KCNQ5: variants seen among roughly 807,000 people sequenced by gnomAD.
KCNQ5 encodes the protein potassium voltage-gated channel subfamily Q member 5.
A neutral mutation model predicts 98.2 loss-of-function variants in KCNQ5; 30 were observed. That is an observed-to-expected ratio of 0.31 (90% CI 0.23 to 0.41). The LOEUF is 0.41. Ranked by LOEUF, KCNQ5 falls within the 10% of genes least tolerant of loss-of-function variation. The probability of loss-of-function intolerance (pLI) is 1.00; values close to 1 mark genes in which losing one functional copy is unlikely to be tolerated. For missense variants in KCNQ5, 835 were observed against 1,182.5 expected, an observed-to-expected ratio of 0.71 and a Z score of 4.31; for synonymous variants, 458 against 449.4, an observed-to-expected ratio of 1.02 and a Z score of -0.24.
intron 2 of KCNQ5, 28 bp downstream of exon 2, chr6:73,004,026 A>G: frequency 3.0e-6 from 4 of 1,322,456 alleles, no homozygotes; most frequent in Admixed American, 1.7e-5. Flanking sequence ...AAGAACGTAC[A>G]TGAATGTTGT....
chr6:73,001,679 G>A (rs985921628), intron 1 of KCNQ5, among the ~76,000 whole-genome samples: 3 of 152,156 alleles, frequency 2.0e-5, no homozygotes, highest in Non-Finnish European at 4.4e-5. Context: ...GTCATCTGAT[G>A]CCACATCATC....
intron 8 of KCNQ5, among the ~76,000 whole-genome samples, chr6:73,123,509 C>T (rs1490887419): frequency 6.6e-6 from 1 of 152,112 alleles, no homozygotes; most frequent in Non-Finnish European, 1.5e-5. Flanking sequence ...CTCAAACCTG[C>T]CAGGGATACA....
chr6:72,816,518 G>A lies in KCNQ5; in HGVS notation c.399-187390G>A, dbSNP rs752612928. 1.6e-4 allele frequency among the ~76,000 whole-genome samples: 24 copies of A among 152,146 alleles called. 1 individual carries two copies. The highest frequency in any genetic ancestry group is 2.4e-4 in the Non-Finnish European group (16 of 68,026). ...AAGAGAGTTTCCAGTGCCCCATAAA[G>A]GAGTAAAATTGAAAAATAACAGTGG... On this transcript the variant is annotated intron_variant, in intron 1 of 13. Transcript: ENST00000370398.
chr6:73,032,032 G>A (rs1289660013), intron 2 of KCNQ5, among the ~76,000 whole-genome samples: 2 of 152,128 alleles, frequency 1.3e-5, no homozygotes, highest in South Asian at 2.1e-4. Flanking sequence ...CATGGAAGCC[G>A]TACTATCTCT....
rs1014786292 is a variant in KCNQ5, at chr6:73,195,292, G to A, written c.2677G>A (p.Ala893Thr). ...TDTFDAAPQPAREAAFASDSL... is the reference protein window; with the variant it reads ...TDTFDAAPQPTREAAFASDSL... The stretch of plus-strand genomic sequence containing the variant: ...CACTTTTGATGCCGCACCGCAGCCT[G>A]CCAGGGAAGCTGCCTTTGCATCAGA... Residue 893 changes from alanine to threonine, a missense_variant, in exon 14 of 14, where the codon GCC (alanine) becomes ACC (threonine). By Grantham distance (58) the Ala-to-Thr change is moderately conservative. Coordinates refer to ENST00000370398, the MANE Select transcript of KCNQ5 (RefSeq NM_019842.4). 8.7e-6 allele frequency: 14 copies of A among 1,614,072 alleles called. No individual in the cohort carries two copies. The African/African-American group carries it at 1.2e-4, about 14-fold the overall frequency.
chr6:73,025,055 C>T (rs1014394904), intron 2 of KCNQ5, among the ~76,000 whole-genome samples: 1 of 152,156 alleles, frequency 6.6e-6, no homozygotes, highest in African/African-American at 2.4e-5. Flanking sequence ...ACTTCATGGC[C>T]ACTCCTTTAC....
intron 3 of KCNQ5, 188 bp downstream of exon 3, chr6:73,042,250 T>C (rs572846203): frequency 2.8e-4 from 180 of 634,384 alleles, no homozygotes; most frequent in African/African-American, 2.8e-3. Context: ...GAGGTAGATA[T>C]TTTTATTATC....
Position 73,032,343 on chromosome 6 carries a change from T to A in KCNQ5, c.490-9593T>A, listed in dbSNP as rs559799415. ...TCACCATGCCTGGCCAATTTTTGTA[T>A]TTTTAGTAGAGACCGGATTTCACCA... On this transcript the variant is annotated intron_variant, in intron 2 of 13. Transcript: ENST00000370398. Among the ~76,000 whole-genome samples the A allele has an allele frequency of 3.3e-3, 508 of 152,280 alleles. 2 individuals are homozygous for A. Among genetic ancestry groups the A allele is most frequent in the Non-Finnish European group, 6.2e-3 (421 of 68,028 alleles).
chr6:72,954,392 CA>C (rs1562090739), intron 1 of KCNQ5, among the ~76,000 whole-genome samples: 1 of 152,150 alleles, frequency 6.6e-6, no homozygotes, highest in Non-Finnish European at 1.5e-5. Context: ...AAAAATACTG[CA>C]GGAAAGCAGT....
At chr6:73,146,223 G>C (rs1028423829) in intron 10 of KCNQ5, among the ~76,000 whole-genome samples, 10 of 152,240 alleles carry the variant, frequency 6.6e-5, no homozygotes, top group African/African-American at 2.4e-4. Flanking sequence ...AAAGGAAACA[G>C]ATCTCGTTCT....
chr6:72,650,403 T>C (rs1162073595), intron 1 of KCNQ5, among the ~76,000 whole-genome samples: 1 of 152,144 alleles, frequency 6.6e-6, no homozygotes, highest in Non-Finnish European at 1.5e-5. Context: ...CCTTGAAATG[T>C]GTGCTTCAAG....
At chr6:73,030,127 T>G (rs1185351545) in intron 2 of KCNQ5, among the ~76,000 whole-genome samples, 2 of 152,176 alleles carry the variant, frequency 1.3e-5, no homozygotes, top group Non-Finnish European at 2.9e-5. Flanking sequence ...GATCTAGTTG[T>G]TCAAAGCAGC....
At chr6:73,169,713 T>C (rs186227234) in intron 10 of KCNQ5, 33 bp from the exon 11 acceptor site, 5 of 1,414,752 alleles carry the variant, frequency 3.5e-6, no homozygotes, top group Non-Finnish European at 5.0e-6. Flanking sequence ...TTGCGGATGG[T>C]GGTGTTATTT....
chr6:72,810,765 G>A (rs1775202556), intron 1 of KCNQ5, among the ~76,000 whole-genome samples: 1 of 151,622 alleles, frequency 6.6e-6, no homozygotes. Flanking sequence ...TTACTTTGGG[G>A]TTAAAGTTGA....
At chr6:72,954,895 T>G (rs944935274) in intron 1 of KCNQ5, among the ~76,000 whole-genome samples, 1 of 152,236 alleles carries the variant, frequency 6.6e-6, no homozygotes, top group African/African-American at 2.4e-5. Context: ...CTCGTGTGTA[T>G]GTACAAGCTC....
chr6:73,038,183 G>A (rs1771525048), intron 2 of KCNQ5, among the ~76,000 whole-genome samples: 1 of 151,812 alleles, frequency 6.6e-6, no homozygotes, highest in Admixed American at 6.6e-5. Context: ...CATGATCATT[G>A]TTAGTATAAA....
At chr6:73,096,528 A>T (rs919960851) in intron 5 of KCNQ5, among the ~76,000 whole-genome samples, 3 of 152,122 alleles carry the variant, frequency 2.0e-5, no homozygotes, top group African/African-American at 7.2e-5. Context: ...GAGCAGTCTG[A>T]TCATAGGAGA....
At chr6:72,782,708 C>A (rs1773551951) in intron 1 of KCNQ5, among the ~76,000 whole-genome samples, 1 of 151,972 alleles carries the variant, frequency 6.6e-6, no homozygotes, top group East Asian at 1.9e-4. Context: ...TATGATAAAA[C>A]CATAATACCT....
intron 1 of KCNQ5, among the ~76,000 whole-genome samples, chr6:72,654,469 AT>A (rs1456296934): frequency 6.6e-6 from 1 of 152,080 alleles, no homozygotes; most frequent in East Asian, 1.9e-4. Context: ...AAATACATAA[AT>A]TTGTGAGTCG....
Sources: allele counts gnomAD v4.1 joint callset (sites outside exome capture counted in the v4.1 genomes callset), GRCh38; gene constraint gnomAD v4.1.1; transcripts MANE v1.5; gene names NCBI Gene and HGNC (gene_info 2026-07-23, HGNC 2026-07-21).